UGT2B4: variants seen among roughly 807,000 people sequenced by gnomAD.
UGT2B4 encodes UDP glucuronosyltransferase family 2 member B4, also known as UDP-glucuronosyltransferase 2B4.
In UGT2B4, 49 loss-of-function variants were observed where a neutral mutation model predicts 49.8. The observed-to-expected ratio is 0.98, with a 90% CI of 0.78 to 1.25. UGT2B4 has a LOEUF of 1.25. UGT2B4 is among the 50% of genes most tolerant of loss of function. The pLI is 0.00. For missense variants in UGT2B4, 729 were observed against 627.7 expected, an observed-to-expected ratio of 1.16 and a Z score of -1.73; for synonymous variants, 246 against 217.7, an observed-to-expected ratio of 1.13 and a Z score of -1.14.
chr4:69,502,151 C>T (rs867231232), intron 1 of UGT2B4, among the ~76,000 whole-genome samples: 830 of 71,866 alleles, frequency 0.012, 4 homozygotes, highest in Middle Eastern at 0.038. Flanking sequence ...CTTTCTTTCT[C>T]TTTCTTTCTT....
intron 1 of UGT2B4, among the ~76,000 whole-genome samples, chr4:69,506,830 C>T (rs1249580309): frequency 2.0e-5 from 3 of 152,082 alleles, no homozygotes; most frequent in African/African-American, 4.8e-5. Context: ...CTCAACAACA[C>T]ACTGGCAAGC....
chr4:69,503,450 G>T (rs1728393298), intron 1 of UGT2B4, among the ~76,000 whole-genome samples: 1 of 152,152 alleles, frequency 6.6e-6, no homozygotes, highest in Non-Finnish European at 1.5e-5. Flanking sequence ...CTGCATGAGT[G>T]AGTTTAGCTT....
chr4:69,489,430 T>A lies in UGT2B4; in HGVS notation c.1002+9A>T. On this transcript the variant is annotated intron_variant, in intron 3 of 5. Coordinates refer to ENST00000305107, the MANE Select transcript of UGT2B4 (RefSeq NM_021139.3). ...TAGTTTTTTACACCATTAAAACATTTTATCTTACCTTTTGTGGGATCTTGG... is the reference window on the plus strand; with the variant it reads ...TAGTTTTTTACACCATTAAAACATTATATCTTACCTTTTGTGGGATCTTGG... 1 of 1,609,234 alleles carries A rather than the reference T, an allele frequency of 6.2e-7. No individual in the cohort carries two copies. Among genetic ancestry groups the A allele is most frequent in the Non-Finnish European group, 8.5e-7 (1 of 1,176,920 alleles).
intron 1 of UGT2B4, chr4:69,517,731 C>G (rs1410201490): frequency 6.1e-6 from 1 of 162,926 alleles, no homozygotes; most frequent in Non-Finnish European, 1.5e-5. Context: ...AATCGTGGAG[C>G]CACAAGTTAA....
intron 3 of UGT2B4, among the ~76,000 whole-genome samples, chr4:69,488,114 G>GAA (rs1241004918): frequency 2.6e-5 from 4 of 152,074 alleles, no homozygotes; most frequent in African/African-American, 9.7e-5. Flanking sequence ...CTACTTCCAA[G>GAA]AAAAATTTCA....
upstream of UGT2B4, among the ~76,000 whole-genome samples, chr4:69,499,495 C>A (rs1728246455): frequency 6.6e-6 from 1 of 152,142 alleles, no homozygotes; most frequent in African/African-American, 2.4e-5. Flanking sequence ...GTGTGGGAGT[C>A]TAAGTCTCTT....
At chr4:69,489,312 A>G (rs1394648281) in intron 3 of UGT2B4, 127 bp downstream of exon 3, 1 of 1,281,898 alleles carries the variant, frequency 7.8e-7, no homozygotes, top group African/African-American at 1.5e-5. Flanking sequence ...TTGAATTAAT[A>G]TCTGAGATAA....
At chr4:69,497,483 T>C (rs1460256174), upstream of UGT2B4, among the ~76,000 whole-genome samples, 1 of 152,190 alleles carries the variant, frequency 6.6e-6, no homozygotes, top group Non-Finnish European at 1.5e-5. Flanking sequence ...TGGTCTATTA[T>C]TGCAGAGTGG....
intron 1 of UGT2B4, among the ~76,000 whole-genome samples, chr4:69,515,518 G>A (rs1184763013): frequency 6.6e-6 from 1 of 152,112 alleles, no homozygotes; most frequent in Non-Finnish European, 1.5e-5. Context: ...AGCAGTGTTA[G>A]GGAAATCTAT....
Position 69,480,702 on chromosome 4 carries a change from T to C in UGT2B4, c.1519A>G (p.Ile507Val). ...LLACVATVIF[I>V]ITKCLFCVWK... ...ACACAAAACAGACATTTTGTGATGA[T>C]GAATATCACAGTTGCCACACAGGCC... Residue 507 changes from isoleucine to valine, a missense_variant, in exon 6 of 6, where the codon ATC becomes GTC. Ile to Val is a conservative substitution (Grantham distance 29). Transcript: ENST00000305107. 1 of 1,614,082 alleles carries C rather than the reference T, an allele frequency of 6.2e-7. No individual in the cohort carries two copies. The highest frequency in any genetic ancestry group is 1.1e-5 in the South Asian group (1 of 91,076).
Position 69,493,856 on chromosome 4 carries a change from A to T in UGT2B4, c.722-15T>A, listed in dbSNP as rs753315357. 22 of 1,581,668 alleles carry T rather than the reference A, an allele frequency of 1.4e-5. No homozygotes were observed. Among genetic ancestry groups the T allele is most frequent in the Admixed American group, 1.9e-5 (1 of 51,906 alleles). On this transcript the variant is annotated splice_polypyrimidine_tract_variant and intron_variant, in intron 1 of 5. Transcript: ENST00000305107. ...AGTGGGTCTTCCTGATGGGGGAAAAAAAAAGAAAAGATAGATGACACAAGA... is the reference window on the plus strand; with the variant it reads ...AGTGGGTCTTCCTGATGGGGGAAAATAAAAGAAAAGATAGATGACACAAGA...
At chr4:69,502,486 T>C (rs1728367925) in intron 1 of UGT2B4, among the ~76,000 whole-genome samples, 1 of 151,978 alleles carries the variant, frequency 6.6e-6, no homozygotes, top group African/African-American at 2.4e-5. Context: ...GTTTCTCATA[T>C]TTCACTGGTA....
intron 4 of UGT2B4, among the ~76,000 whole-genome samples, chr4:69,486,198 T>C (rs1241683546): frequency 2.0e-5 from 3 of 152,130 alleles, no homozygotes; most frequent in African/African-American, 7.2e-5. Context: ...CACTTTTTGA[T>C]TAAGATTAGG....
intron 5 of UGT2B4, among the ~76,000 whole-genome samples, chr4:69,482,893 G>C (rs1727643291): frequency 6.6e-6 from 1 of 151,846 alleles, no homozygotes; most frequent in Non-Finnish European, 1.5e-5. Flanking sequence ...TAATGTAGCA[G>C]TTGTTGGTTT....
intron 1 of UGT2B4, among the ~76,000 whole-genome samples, chr4:69,524,304 C>A (rs1210836507): frequency 6.6e-6 from 1 of 152,054 alleles, no homozygotes; most frequent in East Asian, 1.9e-4. Context: ...TAAAGTGAAA[C>A]ACGTGGTACT....
rs533964293 is a variant in UGT2B4 at position 69,502,040 on chromosome 4, C to A, written c.-105-6074G>T. Among the ~76,000 whole-genome samples the A allele has an allele frequency of 4.6e-5, 7 of 152,166 alleles. No homozygotes were observed. The South Asian group carries it at 1.5e-3, about 32-fold the overall frequency. The stretch of plus-strand genomic sequence containing the variant: ...CATTGCTCCTGGGTGGGACATCATC[C>A]TGCCTTGTCTCTCTTTCCCTTCCTT... On this transcript the variant is annotated intron_variant, in intron 1 of 1. Transcript: ENST00000510114.
At chr4:69,504,343 A>G (rs1216966564) in intron 1 of UGT2B4, among the ~76,000 whole-genome samples, 1 of 152,230 alleles carries the variant, frequency 6.6e-6, no homozygotes, top group East Asian at 1.9e-4. Context: ...AAATTATCAT[A>G]GGAGCAAAAT....
At position 69,480,604 on chromosome 4, in the gene UGT2B4, G is replaced by A. The variant is rs1460045388; in HGVS notation, c.*30C>T. 7 of 1,603,584 alleles carry A rather than the reference G, an allele frequency of 4.4e-6. No individual in the cohort carries two copies. The highest frequency in any genetic ancestry group is 6.0e-6 in the Non-Finnish European group (7 of 1,174,200). On this transcript the variant is annotated 3_prime_UTR_variant, in exon 6 of 6. Coordinates refer to ENST00000305107, the MANE Select transcript of UGT2B4 (RefSeq NM_021139.3). ...AATAAACTAAAGGAGTTCATTTATT[G>A]GGTTTCCCAGCTTCCAGCCTCAGAC...
rs763282398 is a variant in UGT2B4 at position 69,511,151 on chromosome 4, C to T, written c.-106+14536G>A. ...GGATTACAAGTGCATGCCACCACGC[C>T]GGCTAATTTTTGTGTTTTAGTAGAG... On this transcript the variant is annotated intron_variant, in intron 1 of 1. Coordinates refer to the UGT2B4 transcript ENST00000510114. 3.3e-5 allele frequency among the ~76,000 whole-genome samples: 5 copies of T among 151,750 alleles called. No individual in the cohort carries two copies. In the South Asian group the frequency reaches 6.2e-4, roughly 19 times the overall value.
Sources: allele counts gnomAD v4.1 joint callset (sites outside exome capture counted in the v4.1 genomes callset), GRCh38; gene constraint gnomAD v4.1.1; transcripts MANE v1.5; gene names NCBI Gene and HGNC (gene_info 2026-07-23, HGNC 2026-07-21).